BST1: variants seen among roughly 807,000 people sequenced by gnomAD.
BST1 encodes bone marrow stromal cell antigen 1.
Under a neutral mutation model 40.6 loss-of-function variants are expected in BST1, and 49 were observed. That is an observed-to-expected ratio of 1.21 (90% CI 0.96 to 1.53). The LOEUF (loss-of-function observed/expected upper bound fraction) is 1.53. BST1 is among the 40% of genes most tolerant of loss of function. BST1 has a pLI of 0.00. For synonymous variants in BST1, 157 were observed against 159.3 expected (o/e 0.99, Z 0.11); for missense variants, 423 against 395.9 (o/e 1.07, Z -0.58).
At chr4:15,733,000 G>A (rs1053413816), downstream of BST1, among the ~76,000 whole-genome samples, 17 of 152,162 alleles carry the variant, frequency 1.1e-4, no homozygotes, top group Middle Eastern at 3.2e-3. Flanking sequence ...GGACCTTCGC[G>A]GCAAGTGTTA....
the BST1 span, among the ~76,000 whole-genome samples, chr4:15,766,109 G>A: frequency 2.0e-5 from 3 of 151,972 alleles, no homozygotes; most frequent in South Asian, 4.1e-4. Flanking sequence ...TAGCCACTGA[G>A]GACGTACCTG....
chr4:15,703,643 TGCGC>T (rs138333020), intron 1 of BST1, among the ~76,000 whole-genome samples: 2 of 121,160 alleles, frequency 1.7e-5, no homozygotes, highest in Non-Finnish European at 3.5e-5. Flanking sequence ...GGTGTGTGTG[TGCGC>T]GCGCTCTAGA....
intron 1 of BST1, among the ~76,000 whole-genome samples, chr4:15,703,899 C>G (rs1194097774): frequency 1.1e-5 from 1 of 88,044 alleles, no homozygotes; most frequent in Admixed American, 1.2e-4. Context: ...GGTGTGTGTG[C>G]GTGCGCTCTA....
At chr4:15,758,081 C>T in the BST1 span, among the ~76,000 whole-genome samples, 1 of 152,078 alleles carries the variant, frequency 6.6e-6, no homozygotes, top group Admixed American at 6.6e-5. Context: ...TTTATAAATA[C>T]AATGTAGGAT....
At chr4:15,715,506 C>T (rs1720461313) in intron 5 of BST1, 145 bp downstream of exon 5, 1 of 902,524 alleles carries the variant, frequency 1.1e-6, no homozygotes, top group African/African-American at 1.7e-5. Flanking sequence ...GATGAATGAC[C>T]TGGTGATCAG....
At chr4:15,707,981 C>A (rs996953205) in intron 3 of BST1, among the ~76,000 whole-genome samples, 1 of 151,792 alleles carries the variant, frequency 6.6e-6, no homozygotes, top group African/African-American at 2.4e-5. Flanking sequence ...CTATCATAAT[C>A]CCCATTTTGA....
intron 7 of BST1, 27 bp from the exon 8 acceptor site, chr4:15,722,847 TC>T (rs762412026): frequency 1.9e-6 from 3 of 1,597,964 alleles, no homozygotes; most frequent in Admixed American, 3.3e-5. Flanking sequence ...ATTTAAATAA[TC>T]CCTTAAATAT....
downstream of BST1, among the ~76,000 whole-genome samples, chr4:15,739,019 C>G (rs1721668494): frequency 6.6e-6 from 1 of 152,190 alleles, no homozygotes; most frequent in African/African-American, 2.4e-5. Flanking sequence ...TCTGCAGTTG[C>G]TAGAACTTAA....
At chr4:15,753,873 G>C in the BST1 span, among the ~76,000 whole-genome samples, 1 of 152,230 alleles carries the variant, frequency 6.6e-6, no homozygotes, top group African/African-American at 2.4e-5. Context: ...TCCGGAAGGA[G>C]AGAGTCCCAT....
At chr4:15,707,796 A>G (rs574450637) in intron 3 of BST1, 150 bp downstream of exon 3, 16 of 945,432 alleles carry the variant, frequency 1.7e-5, no homozygotes, top group Middle Eastern at 3.4e-4. Flanking sequence ...TAATAACAAT[A>G]CTAGAGAATA....
Position 15,707,632 on chromosome 4 carries a change from A to T in BST1, c.437A>T (p.Gln146Leu). The change falls in exon 3 of 9, where the codon CAG (glutamine) becomes CTG (leucine). Residue 146 changes from glutamine to leucine, a missense_variant. Physicochemically the swap from Gln to Leu is moderately radical, Grantham distance 113. Transcript: ENST00000265016. ...GCAGATTTCTTGAGCTGGTGTCGAC[A>T]GAAAAATGACTCTGGTAAGACTCCT... ...RVADFLSWCR[Q>L]KNDSGLDYQS... The T allele has an allele frequency of 6.2e-7, 1 of 1,614,112 alleles. No individual in the cohort carries two copies. Among genetic ancestry groups the T allele is most frequent in the Non-Finnish European group, 8.5e-7 (1 of 1,180,008 alleles).
chr4:15,715,610 A>C, intron 5 of BST1, 97 bp from the exon 6 acceptor site: 1 of 966,370 alleles, frequency 1.0e-6, no homozygotes, highest in East Asian at 2.7e-5. Flanking sequence ...AACTTCTAAA[A>C]GCTCTTTATT....
the BST1 span, among the ~76,000 whole-genome samples, chr4:15,767,708 A>C: frequency 6.6e-6 from 1 of 151,904 alleles, no homozygotes; most frequent in East Asian, 1.9e-4. Context: ...TTTTTGGGGA[A>C]GGGGCATACG....
At chr4:15,708,516 G>C (rs766421299) in intron 3 of BST1, among the ~76,000 whole-genome samples, 1 of 152,296 alleles carries the variant, frequency 6.6e-6, no homozygotes, top group South Asian at 2.1e-4. Flanking sequence ...GCAAGGAAAG[G>C]AGGTTAGGGA....
rs748097807 is a variant in BST1 at position 15,718,963 on chromosome 4, G to C, written c.761G>C (p.Gly254Ala). 1 of 1,614,094 alleles carries C rather than the reference G, an allele frequency of 6.2e-7. No homozygotes were observed. The highest frequency in any genetic ancestry group is 1.1e-5 in the South Asian group (1 of 91,074). Residue 254 changes from glycine to alanine, a missense_variant, in exon 7 of 9, where the codon GGG (glycine) becomes GCG (alanine). Physicochemically the swap from Gly to Ala is moderately conservative, Grantham distance 60. Transcript: ENST00000265016. ...CTGGAAAAGAGGCTGAAGGACATGG[G>C]GTTCCAGTACAGCTGTATTAATGAT... is the stretch of plus-strand genomic sequence containing the variant. ...KVLEKRLKDM[G>A]FQYSCINDYR...
downstream of BST1, among the ~76,000 whole-genome samples, chr4:15,735,090 C>G (rs1357624662): frequency 6.6e-6 from 1 of 152,208 alleles, no homozygotes; most frequent in Non-Finnish European, 1.5e-5. Context: ...TCTCTACTCT[C>G]TCCCTCCTCA....
chr4:15,737,603 A>C (rs547376647), downstream of BST1, among the ~76,000 whole-genome samples: 2 of 151,390 alleles, frequency 1.3e-5, no homozygotes, highest in Non-Finnish European at 2.9e-5. Flanking sequence ...GTGAATGAAC[A>C]ATGCTAAGCA....
intron 3 of BST1, among the ~76,000 whole-genome samples, chr4:15,709,796 T>G (rs1198124820): frequency 6.6e-6 from 1 of 152,108 alleles, no homozygotes; most frequent in Non-Finnish European, 1.5e-5. Context: ...AGGGGCATGT[T>G]TTTAAGCAAA....
At chr4:15,739,087 C>T (rs1721670971), downstream of BST1, among the ~76,000 whole-genome samples, 1 of 152,142 alleles carries the variant, frequency 6.6e-6, no homozygotes. Context: ...ACTTTTGGCA[C>T]CAAAGAGAAG....
Sources: gnomAD v4.1 joint callset for allele counts (sites outside exome capture counted in the v4.1 genomes callset) on GRCh38, gnomAD v4.1.1 for gene constraint, MANE v1.5 for transcripts, NCBI Gene and HGNC (gene_info 2026-07-23, HGNC 2026-07-21) for gene names.